CSMD1: variants seen among roughly 807,000 people sequenced by gnomAD.
The protein encoded by CSMD1 is CUB and sushi domain-containing protein 1.
In CSMD1, 213 loss-of-function variants were observed where a neutral mutation model predicts 417.5. The observed-to-expected ratio is 0.51, with a 90% CI of 0.46 to 0.57. The LOEUF (loss-of-function observed/expected upper bound fraction) is 0.57, where lower values mean the gene tolerates loss of function less well. CSMD1 is among the 20% of genes least tolerant of loss of function. The pLI, the probability that CSMD1 is intolerant of heterozygous loss-of-function variation, is 0.00. For synonymous variants in CSMD1, 2,862 were observed against 1,736.8 expected (o/e 1.65, Z -16.11); for missense variants, 6,923 against 4,529.7 (o/e 1.53, Z -15.17).
At chr8:3,480,040 A>G (rs1368957885) in intron 11 of CSMD1, among the ~76,000 whole-genome samples, 1 of 152,152 alleles carries the variant, frequency 6.6e-6, no homozygotes. Flanking sequence ...CTCCTACACT[A>G]AACAACAGAG....
At chr8:4,259,408 T>C (rs1451331925) in intron 3 of CSMD1, among the ~76,000 whole-genome samples, 1 of 152,140 alleles carries the variant, frequency 6.6e-6, no homozygotes, top group Non-Finnish European at 1.5e-5. Flanking sequence ...CTAGCTTCAT[T>C]CATTTCATAA....
At chr8:3,233,897 G>C (rs1798997923) in intron 26 of CSMD1, among the ~76,000 whole-genome samples, 1 of 152,094 alleles carries the variant, frequency 6.6e-6, no homozygotes, top group South Asian at 2.1e-4. Context: ...GAGGCATTTT[G>C]GATCCCAGGG....
At chr8:3,348,548 G>C (rs1307647866) in intron 21 of CSMD1, among the ~76,000 whole-genome samples, 1 of 152,034 alleles carries the variant, frequency 6.6e-6, no homozygotes, top group Non-Finnish European at 1.5e-5. Flanking sequence ...CAGTTCCCAC[G>C]CTCCCATTCT....
chr8:4,869,233 T>C (rs1207494497), intron 1 of CSMD1, among the ~76,000 whole-genome samples: 1 of 152,012 alleles, frequency 6.6e-6, no homozygotes, highest in Admixed American at 6.5e-5. Context: ...TAGAAAAGCA[T>C]CTGTGTGGCT....
At chr8:3,915,399 C>G (rs1260059037) in intron 5 of CSMD1, among the ~76,000 whole-genome samples, 4 of 106,054 alleles carry the variant, frequency 3.8e-5, no homozygotes, top group African/African-American at 1.4e-4. Context: ...CAGTAAGACT[C>G]TGTCTCAAAA....
intron 10 of CSMD1, among the ~76,000 whole-genome samples, chr8:3,513,113 G>T (rs979438606): frequency 2.1e-4 from 31 of 145,504 alleles, no homozygotes; most frequent in African/African-American, 7.7e-4. Flanking sequence ...TGAATGCATT[G>T]AATTATTATT....
chr8:3,181,069 G>T, intron 37 of CSMD1, 41 bp downstream of exon 37: 1 of 1,254,932 alleles, frequency 8.0e-7, no homozygotes, highest in Non-Finnish European at 1.2e-6. Context: ...AAATGACTCA[G>T]TATAACAGTG....
At position 3,928,514 on chromosome 8, in the gene CSMD1, T is replaced by C. The variant is rs1449902993; in HGVS notation, c.818+69389A>G. Among the ~76,000 whole-genome samples the C allele has an allele frequency of 2.6e-5, 4 of 151,382 alleles. 1 individual carries two copies. Among genetic ancestry groups the C allele is most frequent in the Non-Finnish European group, 5.9e-5 (4 of 67,758 alleles). Reference sequence around the variant, plus strand: ...AGTGGAACAGGGGGCACTGCCCAGCTGCATTCACAGGTTTCACGGCCGTTT... The same window carrying C: ...AGTGGAACAGGGGGCACTGCCCAGCCGCATTCACAGGTTTCACGGCCGTTT... On this transcript the variant is annotated intron_variant, in intron 5 of 69. Transcript: ENST00000635120.
intron 19 of CSMD1, among the ~76,000 whole-genome samples, chr8:3,368,248 G>A (rs1163323254): frequency 6.6e-6 from 1 of 152,178 alleles, no homozygotes; most frequent in African/African-American, 2.4e-5. Context: ...ATAATAAAAT[G>A]TAGCCATTTC....
intron 3 of CSMD1, among the ~76,000 whole-genome samples, chr8:4,038,348 C>A (rs1271754916): frequency 6.6e-6 from 1 of 151,942 alleles, no homozygotes; most frequent in Non-Finnish European, 1.5e-5. Flanking sequence ...AGCAATTTTA[C>A]TAAAAAATCA....
intron 1 of CSMD1, among the ~76,000 whole-genome samples, chr8:4,993,829 G>A (rs935004019): frequency 6.6e-6 from 1 of 152,156 alleles, no homozygotes; most frequent in African/African-American, 2.4e-5. Flanking sequence ...GTGCGAGGAG[G>A]CCGGGCCGGC....
intron 1 of CSMD1, among the ~76,000 whole-genome samples, chr8:4,767,426 A>G (rs1812538176): frequency 6.6e-6 from 1 of 152,144 alleles, no homozygotes; most frequent in Non-Finnish European, 1.5e-5. Context: ...TCTCATTAAA[A>G]CATCATCCTG....
At chr8:4,456,891 C>T (rs560632205) in intron 2 of CSMD1, among the ~76,000 whole-genome samples, 9 of 151,258 alleles carry the variant, frequency 6.0e-5, no homozygotes, top group African/African-American at 1.9e-4. Context: ...AGAACACACC[C>T]GTATTTGAAG....
intron 3 of CSMD1, among the ~76,000 whole-genome samples, chr8:4,396,874 T>C (rs1023490068): frequency 6.6e-6 from 1 of 151,972 alleles, no homozygotes; most frequent in Non-Finnish European, 1.5e-5. Flanking sequence ...CTTTCAGGAC[T>C]AGGGGGAAAG....
chr8:3,379,150 G>A (rs1810484553), intron 18 of CSMD1, among the ~76,000 whole-genome samples: 1 of 152,264 alleles, frequency 6.6e-6, no homozygotes, highest in East Asian at 1.9e-4. Flanking sequence ...ATTCACAATT[G>A]CTACAAAGAG....
intron 5 of CSMD1, among the ~76,000 whole-genome samples, chr8:3,904,196 C>A (rs1237717078): frequency 1.3e-5 from 2 of 152,104 alleles, no homozygotes; most frequent in Non-Finnish European, 2.9e-5. Flanking sequence ...CGGCCTGTGT[C>A]TCATTCTGAA....
chr8:3,685,439 C>T (rs6988965), intron 7 of CSMD1, among the ~76,000 whole-genome samples: 66,764 of 151,914 alleles, frequency 0.44, 14,931 homozygotes, highest in Admixed American at 0.57. Context: ...CGATTACTGC[C>T]AAGGAAGAAG....
At chr8:4,108,280 A>G (rs756101353) in intron 3 of CSMD1, among the ~76,000 whole-genome samples, 2 of 152,162 alleles carry the variant, frequency 1.3e-5, no homozygotes, top group African/African-American at 2.4e-5. Flanking sequence ...CTGTTGAATG[A>G]TCTCTGGGAA....
At chr8:3,853,695 T>C (rs1368650130) in intron 5 of CSMD1, among the ~76,000 whole-genome samples, 2 of 151,988 alleles carry the variant, frequency 1.3e-5, no homozygotes, top group East Asian at 3.9e-4. Flanking sequence ...TGCAGTTGGA[T>C]AAGCCTCAGT....
Sources: gnomAD v4.1 joint callset for allele counts (sites outside exome capture counted in the v4.1 genomes callset) on GRCh38, gnomAD v4.1.1 for gene constraint, MANE v1.5 for transcripts, NCBI Gene and HGNC (gene_info 2026-07-23, HGNC 2026-07-21) for gene names.